Variants in LURAP1 observed in about 807,000 individuals in gnomAD.
LURAP1 encodes the protein NF-kappa-B activator C1orf190.
LURAP1 carries 14 observed loss-of-function variants against 19.0 expected under a neutral mutation model. The ratio of observed to expected loss-of-function variants is 0.74; its 90% CI spans 0.49 to 1.15. The LOEUF is 1.15. LURAP1 is among the 50% of genes most tolerant of loss of function. The pLI, the probability that LURAP1 is intolerant of heterozygous loss-of-function variation, is 0.00. For synonymous variants in LURAP1, 129 were observed against 131.8 expected, an observed-to-expected ratio of 0.98 and a Z score of 0.14; for missense variants, 273 against 309.1, an observed-to-expected ratio of 0.88 and a Z score of 0.87.
At chr1:46,208,820 G>A (rs1557683729) in intron 1 of LURAP1, among the ~76,000 whole-genome samples, 2 of 152,004 alleles carry the variant, frequency 1.3e-5, no homozygotes, top group South Asian at 4.1e-4. Flanking sequence ...CAGCCTGGAC[G>A]ACTGTGCAAA....
At chr1:46,214,354 A>AG (rs1418447600) in intron 1 of LURAP1, among the ~76,000 whole-genome samples, 1 of 151,858 alleles carries the variant, frequency 6.6e-6, no homozygotes, top group Non-Finnish European at 1.5e-5. Flanking sequence ...TCAAAAAGAA[A>AG]AAAAAAAAGG....
intron 1 of LURAP1, among the ~76,000 whole-genome samples, chr1:46,206,206 A>G (rs1658709602): frequency 6.6e-6 from 1 of 152,148 alleles, no homozygotes; most frequent in Non-Finnish European, 1.5e-5. Context: ...CTGCTTCTGA[A>G]ACGTTTTGTG....
In LURAP1 at chr1:46,203,355, C is replaced by T; in HGVS notation, c.-72C>T. On this transcript the variant is annotated 5_prime_UTR_variant, in exon 1 of 2. Coordinates refer to ENST00000371980, the MANE Select transcript of LURAP1 (RefSeq NM_001013615.3). Reference sequence around the variant, plus strand: ...CACCGGTTTTGCTCCGCTTTAGCAGCGGCGAAGGGAGGACCCCCGGGAGCC... The same window carrying T: ...CACCGGTTTTGCTCCGCTTTAGCAGTGGCGAAGGGAGGACCCCCGGGAGCC... 9.5e-6 allele frequency: 13 copies of T among 1,368,340 alleles called. No homozygotes were observed. The highest frequency in any genetic ancestry group is 1.3e-5 in the Non-Finnish European group (13 of 1,035,790). The allele number at this position is 1,368,340 out of a possible 1,614,324, so 84.8% of individuals were successfully genotyped here.
chr1:46,205,540 C>G (rs1290165975), intron 1 of LURAP1, among the ~76,000 whole-genome samples: 1 of 152,238 alleles, frequency 6.6e-6, no homozygotes, highest in Non-Finnish European at 1.5e-5. Flanking sequence ...TCTGAACTCA[C>G]ATAGGGAGTC....
chr1:46,215,879 T>TGG (rs1421912812), intron 1 of LURAP1, among the ~76,000 whole-genome samples: 1 of 152,066 alleles, frequency 6.6e-6, no homozygotes, highest in African/African-American at 2.4e-5. Context: ...CAGCCTGGGC[T>TGG]ATAGAGTAAG....
chr1:46,219,780 T>A lies in LURAP1; in HGVS notation c.280T>A (p.Leu94Met), dbSNP rs1018781451. ...NEGIEAVRWL[L>M]EERGTLTSHC... ...GGGCATCGAGGCAGTGCGCTGGCTG[T>A]TGGAGGAGCGGGGGACGTTGACCAG... The change falls in exon 2 of 2, where the codon TTG becomes ATG. Residue 94 changes from leucine to methionine, a missense_variant. Transcript: ENST00000371980. 4.3e-6 allele frequency: 7 copies of A among 1,613,976 alleles called. No individual in the cohort carries two copies. The highest frequency in any genetic ancestry group is 5.9e-6 in the Non-Finnish European group (7 of 1,180,012).
chr1:46,208,353 T>C lies in LURAP1; in HGVS notation c.198+4729T>C, dbSNP rs75927321. Among the ~76,000 whole-genome samples the C allele has an allele frequency of 5.3e-3, 804 of 152,306 alleles. 6 individuals are homozygous for C. The highest frequency in any genetic ancestry group is 0.041 in the Middle Eastern group (12 of 294). ...TATCTTACCCACTAGATTATGAACCTTCTGAAGGTAAGAAATGATGCCTTT... is the reference window on the plus strand; with the variant it reads ...TATCTTACCCACTAGATTATGAACCCTCTGAAGGTAAGAAATGATGCCTTT... On this transcript the variant is annotated intron_variant, in intron 1 of 1. Coordinates refer to ENST00000371980, the MANE Select transcript of LURAP1 (RefSeq NM_001013615.3).
At chr1:46,203,776 G>A (rs1467198461) in intron 1 of LURAP1, 152 bp downstream of exon 1, 10 of 719,954 alleles carry the variant, frequency 1.4e-5, no homozygotes, top group Non-Finnish European at 2.1e-5. Context: ...CGTAAACGCT[G>A]GGGTGGAGAT....
intron 1 of LURAP1, among the ~76,000 whole-genome samples, chr1:46,210,334 C>T (rs757611422): frequency 4.6e-5 from 7 of 152,004 alleles, no homozygotes; most frequent in Non-Finnish European, 8.8e-5. Context: ...CAGAAGACCC[C>T]AAAATATATG....
At chr1:46,211,186 C>T (rs1369531561) in intron 1 of LURAP1, among the ~76,000 whole-genome samples, 2 of 152,102 alleles carry the variant, frequency 1.3e-5, no homozygotes, top group Non-Finnish European at 2.9e-5. Flanking sequence ...CCAGCAAAGC[C>T]TGTCTGTTTA....
rs199661717 is a variant in LURAP1 at position 46,203,559 on chromosome 1, C to T, written c.133C>T (p.Leu45Phe). The change falls in exon 1 of 2, where the codon CTC (leucine) becomes TTC (phenylalanine). Residue 45 changes from leucine (L) to phenylalanine (F), a missense_variant. By Grantham distance (22) the Leu-to-Phe change is conservative. Coordinates refer to ENST00000371980, the MANE Select transcript of LURAP1 (RefSeq NM_001013615.3). The part of the protein sequence containing the change: ...CELGTSGALL[L>F]PGASSTGHDL... Reference sequence around the variant, plus strand: ...GCTGGGAACCTCTGGCGCCCTGCTGCTCCCAGGGGCGTCTAGCACCGGCCA... The same window carrying T: ...GCTGGGAACCTCTGGCGCCCTGCTGTTCCCAGGGGCGTCTAGCACCGGCCA... 3.2e-6 allele frequency: 5 copies of T among 1,566,666 alleles called. No homozygotes were observed. In the Admixed American group the frequency reaches 9.8e-5, roughly 31 times the overall value.
intron 1 of LURAP1, 24 bp downstream of exon 1, chr1:46,203,648 A>G: frequency 6.3e-7 from 1 of 1,593,564 alleles, no homozygotes. Flanking sequence ...CCATGGGCCA[A>G]GGGGACGAGT....
At chr1:46,216,666 G>C (rs569157699) in intron 1 of LURAP1, among the ~76,000 whole-genome samples, 3 of 152,156 alleles carry the variant, frequency 2.0e-5, no homozygotes, top group African/African-American at 7.2e-5. Flanking sequence ...GATTCGGAGG[G>C]GGGTACCTGC....
At chr1:46,207,292 G>C (rs1462514455) in intron 1 of LURAP1, among the ~76,000 whole-genome samples, 5 of 152,070 alleles carry the variant, frequency 3.3e-5, no homozygotes, top group Non-Finnish European at 7.4e-5. Context: ...TGTTGGCCAG[G>C]CTGGTTTCGA....
intron 1 of LURAP1, among the ~76,000 whole-genome samples, chr1:46,218,003 A>T (rs1431550609): frequency 1.3e-5 from 2 of 152,176 alleles, no homozygotes; most frequent in South Asian, 2.1e-4. Context: ...AATAAATAAT[A>T]ATAGTTGTTT....
intron 1 of LURAP1, among the ~76,000 whole-genome samples, chr1:46,212,299 G>C (rs1237424097): frequency 1.2e-5 from 1 of 86,410 alleles, no homozygotes; most frequent in African/African-American, 4.6e-5. Flanking sequence ...TTTTTTTTTT[G>C]AGACGGAGTC....
chr1:46,220,353 A>C lies in LURAP1; in HGVS notation c.*133A>C. 2.1e-5 allele frequency: 20 copies of C among 939,576 alleles called. No homozygotes were observed. Among genetic ancestry groups the C allele is most frequent in the Non-Finnish European group, 2.8e-5 (18 of 634,348 alleles). The allele number at this position is 939,576 out of a possible 1,614,324, so 58.2% of individuals were successfully genotyped here. ...ATCAGTTACCATGGAAACCTGGCTC[A>C]TCATTTCTCTAGTCCCTAGGGAGTC... On this transcript the variant is annotated 3_prime_UTR_variant, in exon 2 of 2. Transcript: ENST00000371980.
At chr1:46,211,520 A>T (rs1658896767) in intron 1 of LURAP1, among the ~76,000 whole-genome samples, 1 of 152,014 alleles carries the variant, frequency 6.6e-6, no homozygotes, top group Non-Finnish European at 1.5e-5. Context: ...CCATAGTAAT[A>T]TGTAGAGCCA....
intron 1 of LURAP1, among the ~76,000 whole-genome samples, chr1:46,205,332 A>C (rs1297772773): frequency 6.6e-6 from 1 of 151,880 alleles, no homozygotes; most frequent in South Asian, 2.1e-4. Flanking sequence ...AAAAGAAAAC[A>C]GAGGCACAGG....
Sources: allele counts gnomAD v4.1 joint callset (sites outside exome capture counted in the v4.1 genomes callset), GRCh38; gene constraint gnomAD v4.1.1; transcripts MANE v1.5; gene names NCBI Gene and HGNC (gene_info 2026-07-23, HGNC 2026-07-21).